LRMDA: variants seen among roughly 807,000 people sequenced by gnomAD.
LRMDA encodes leucine-rich melanocyte differentiation-associated protein.
LRMDA carries 18 observed loss-of-function variants against 29.8 expected under a neutral mutation model. That is an observed-to-expected ratio of 0.60 (90% CI 0.42 to 0.90). The LOEUF (loss-of-function observed/expected upper bound fraction) is 0.90, where lower values mean the gene tolerates loss of function less well. Ranked by LOEUF, LRMDA falls within the 40% of genes least tolerant of loss-of-function variation. The probability of loss-of-function intolerance (pLI) is 0.00; values close to 1 mark genes in which losing one functional copy is unlikely to be tolerated. For synonymous variants in LRMDA, 125 were observed against 109.4 expected (o/e 1.14, Z -0.89); for missense variants, 273 against 273.9 (o/e 1.00, Z 0.02).
chr10:76,429,458 T>A (rs1287396971), intron 6 of LRMDA, among the ~76,000 whole-genome samples: 1 of 152,040 alleles, frequency 6.6e-6, no homozygotes, highest in Non-Finnish European at 1.5e-5. Context: ...GAGGGAAGAT[T>A]TAGGTGATTG....
At chr10:75,857,534 T>C (rs75883900) in intron 2 of LRMDA, among the ~76,000 whole-genome samples, 2,304 of 152,324 alleles carry the variant, frequency 0.015, 54 homozygotes, top group African/African-American at 0.053. Context: ...TGATTCAGCA[T>C]TTCTAGCAAA....
intron 5 of LRMDA, among the ~76,000 whole-genome samples, chr10:76,155,754 T>A (rs1218767028): frequency 1.3e-5 from 2 of 152,156 alleles, no homozygotes; most frequent in Non-Finnish European, 2.9e-5. Flanking sequence ...GTGATAAGAT[T>A]TAGGGATTTC....
In LRMDA at chr10:76,296,646, A is replaced by C. The variant is rs570880354; in HGVS notation, c.517-27755A>C. Among the ~76,000 whole-genome samples, 3 of 152,354 alleles carry C rather than the reference A, an allele frequency of 2.0e-5. No homozygotes were observed. The East Asian group carries it at 5.8e-4, about 29-fold the overall frequency. ...ATGGAAATTTAATAAAGTTTATTAAAACAGTATATTGGACCAAGGAGTGCT... is the reference window on the plus strand; with the variant it reads ...ATGGAAATTTAATAAAGTTTATTAACACAGTATATTGGACCAAGGAGTGCT... On this transcript the variant is annotated intron_variant, in intron 5 of 6. Coordinates refer to ENST00000611255, the MANE Select transcript of LRMDA (RefSeq NM_001305581.2).
intron 2 of LRMDA, among the ~76,000 whole-genome samples, chr10:75,733,104 T>C (rs1842718628): frequency 6.6e-6 from 1 of 152,204 alleles, no homozygotes; most frequent in Non-Finnish European, 1.5e-5. Flanking sequence ...AGTGTAAGAA[T>C]GTCTCAGGGG....
intron 5 of LRMDA, among the ~76,000 whole-genome samples, chr10:76,168,398 A>G (rs566988520): frequency 6.6e-6 from 1 of 152,334 alleles, no homozygotes; most frequent in South Asian, 2.1e-4. Context: ...CATGCCTTGT[A>G]GCTAGAATTA....
At chr10:76,291,019 G>A (rs1427258625) in intron 5 of LRMDA, among the ~76,000 whole-genome samples, 3 of 152,104 alleles carry the variant, frequency 2.0e-5, no homozygotes, top group African/African-American at 7.2e-5. Flanking sequence ...TTTAGATGAT[G>A]GTTTCAAAAT....
At chr10:75,966,096 T>C (rs1589269876) in intron 2 of LRMDA, among the ~76,000 whole-genome samples, 1 of 152,374 alleles carries the variant, frequency 6.6e-6, no homozygotes, top group African/African-American at 2.4e-5. Flanking sequence ...GCAATGCTAG[T>C]TTCATGTCTT....
chr10:75,908,069 T>A (rs1845785588), intron 2 of LRMDA, among the ~76,000 whole-genome samples: 1 of 152,152 alleles, frequency 6.6e-6, no homozygotes, highest in South Asian at 2.1e-4. Context: ...TGCCCTGCAT[T>A]TTTGGAGGAT....
intron 2 of LRMDA, among the ~76,000 whole-genome samples, chr10:76,015,966 CT>C (rs1228096772): frequency 6.6e-6 from 1 of 152,212 alleles, no homozygotes; most frequent in Non-Finnish European, 1.5e-5. Context: ...AAAGTAATCA[CT>C]CCCTCTGGGT....
chr10:75,761,691 A>G (rs139949903), intron 2 of LRMDA, among the ~76,000 whole-genome samples: 1 of 152,306 alleles, frequency 6.6e-6, no homozygotes, highest in African/African-American at 2.4e-5. Flanking sequence ...GGTAAATTTT[A>G]TGGTACGTAT....
intron 2 of LRMDA, among the ~76,000 whole-genome samples, chr10:75,964,453 T>C (rs1000405840): frequency 6.6e-6 from 1 of 152,252 alleles, no homozygotes; most frequent in African/African-American, 2.4e-5. Context: ...ACTGTCTTTA[T>C]ATCAATATGA....
intron 2 of LRMDA, among the ~76,000 whole-genome samples, chr10:75,541,848 T>A (rs1400523127): frequency 6.6e-6 from 1 of 152,198 alleles, no homozygotes; most frequent in Non-Finnish European, 1.5e-5. Context: ...TGTCAACTCC[T>A]GTTTCTGATA....
intron 5 of LRMDA, among the ~76,000 whole-genome samples, chr10:76,261,282 C>T (rs1839940010): frequency 6.6e-6 from 1 of 151,768 alleles, no homozygotes; most frequent in Non-Finnish European, 1.5e-5. Context: ...CCATATTAGC[C>T]AGAATGGTCT....
At chr10:75,782,674 T>C in intron 2 of LRMDA, 1 of 1,109,068 alleles carries the variant, frequency 9.0e-7, no homozygotes, top group South Asian at 2.8e-5. Flanking sequence ...TCGCTGCCGG[T>C]GCAGTTCCAA....
At chr10:76,270,196 T>C (rs933160029) in intron 5 of LRMDA, 4 of 152,242 alleles carry the variant, frequency 2.6e-5, no homozygotes, top group Non-Finnish European at 4.4e-5. Flanking sequence ...CCATGCACTT[T>C]CTAACATTGG....
chr10:75,565,422 G>A (rs77311430), intron 2 of LRMDA, among the ~76,000 whole-genome samples: 2,934 of 152,290 alleles, frequency 0.019, 51 homozygotes, highest in South Asian at 0.045. Context: ...CTCTTAATTG[G>A]GTGCCAGTTT....
intron 2 of LRMDA, among the ~76,000 whole-genome samples, chr10:75,667,483 A>G (rs1288243378): frequency 6.6e-6 from 1 of 152,200 alleles, no homozygotes; most frequent in Non-Finnish European, 1.5e-5. Flanking sequence ...AATTATTTTT[A>G]GAGACAGGGT....
chr10:76,207,536 A>T (rs1370972372), intron 5 of LRMDA, among the ~76,000 whole-genome samples: 1 of 152,222 alleles, frequency 6.6e-6, no homozygotes, highest in Non-Finnish European at 1.5e-5. Flanking sequence ...TTAAAAAACA[A>T]TGCCCAGTGT....
intron 2 of LRMDA, among the ~76,000 whole-genome samples, chr10:75,984,111 T>C (rs1847221673): frequency 6.6e-6 from 1 of 152,194 alleles, no homozygotes; most frequent in Non-Finnish European, 1.5e-5. Context: ...TGTCTGGGCA[T>C]ATCACATGGC....
Sources: allele counts gnomAD v4.1 joint callset (sites outside exome capture counted in the v4.1 genomes callset), GRCh38; gene constraint gnomAD v4.1.1; transcripts MANE v1.5; gene names NCBI Gene and HGNC (gene_info 2026-07-23, HGNC 2026-07-21).